PCDH11X: variants seen among roughly 807,000 people sequenced by gnomAD.
PCDH11X encodes the protein protocadherin 11 X-linked, also known as protocadherin-11 X-linked.
PCDH11X carries 18 observed loss-of-function variants against 53.3 expected under a neutral mutation model. The observed-to-expected ratio is 0.34, with a 90% CI of 0.23 to 0.50. The LOEUF is 0.50. Among genes scored for constraint, PCDH11X ranks in the 20% least tolerant of loss-of-function variants. The pLI is 0.98. For synonymous variants in PCDH11X, 279 were observed against 393.3 expected (o/e 0.71, Z 3.44); for missense variants, 570 against 1,032.4 (o/e 0.55, Z 6.14).
chrX:91,809,006 G>A (rs2563640), intron 1 of PCDH11X, among the ~76,000 whole-genome samples: 26,001 of 99,257 alleles, frequency 0.26, 4,182 homozygotes, highest in African/African-American at 0.44. Context: ...TTTATCGCAA[G>A]TAACTTTTAT....
At chrX:92,120,587 TAC>T (rs1371930291) in intron 6 of PCDH11X, among the ~76,000 whole-genome samples, 4 of 112,992 alleles carry the variant, frequency 3.5e-5, no homozygotes, top group Admixed American at 9.4e-5. Context: ...ATTCATATTT[TAC>T]ACTTTTGATC....
intron 10 of PCDH11X, among the ~76,000 whole-genome samples, chrX:92,587,933 T>G (rs774589809): frequency 5.4e-4 from 60 of 111,014 alleles, no homozygotes; most frequent in African/African-American, 1.9e-3. Context: ...ACAATTTTCC[T>G]AGGGAAGAAT....
At chrX:91,845,901 A>G (rs1403784177) in intron 5 of PCDH11X, among the ~76,000 whole-genome samples, 1 of 110,148 alleles carries the variant, frequency 9.1e-6, no homozygotes, top group African/African-American at 3.3e-5. Context: ...TTAATTATTT[A>G]TCTAATAGAC....
At chrX:92,573,982 C>A (rs1304109791) in intron 10 of PCDH11X, among the ~76,000 whole-genome samples, 2 of 110,244 alleles carry the variant, frequency 1.8e-5, no homozygotes, top group Non-Finnish European at 3.8e-5. Flanking sequence ...CTTTTCCCGG[C>A]AGAATTGTAG....
chrX:91,894,433 A>G (rs1940652814), intron 6 of PCDH11X, among the ~76,000 whole-genome samples: 1 of 111,677 alleles, frequency 9.0e-6, no homozygotes, highest in Non-Finnish European at 1.9e-5. Context: ...TTTCTAGTGA[A>G]CAAATGTTGC....
chrX:92,428,606 TTTTC>T (rs201609473), intron 9 of PCDH11X, among the ~76,000 whole-genome samples: 13,754 of 110,363 alleles, frequency 0.12, 819 homozygotes, highest in African/African-American at 0.2. Context: ...TGCAATTTCT[TTTTC>T]TTTCTTTCTT....
intron 7 of PCDH11X, among the ~76,000 whole-genome samples, chrX:92,259,025 C>CCTCAT (rs1219334980): frequency 2.7e-5 from 3 of 110,475 alleles, no homozygotes; most frequent in African/African-American, 9.9e-5. Context: ...TCAATAAGCT[C>CCTCAT]CTCATCTCTG....
In PCDH11X at chrX:92,576,293, G is replaced by C. The variant is rs778985781; in HGVS notation, c.3368-41971G>C. ...CCTGGCTATGTGCCTTCATAGGTGT[G>C]TTTCTTTATAAGTGTGTTTCTTTTA... On this transcript the variant is annotated intron_variant, in intron 10 of 10. Coordinates refer to ENST00000682573, the MANE Select transcript of PCDH11X (RefSeq NM_032968.5). Among the ~76,000 whole-genome samples the C allele has an allele frequency of 9.0e-5, 8 of 88,693 alleles. No homozygotes were observed. The East Asian group carries it at 2.5e-3, about 28-fold the overall frequency. The allele number at this position is 88,693 out of a possible 115,157, so 77.0% of individuals were successfully genotyped here.
chrX:92,599,285 T>C (rs952273317), intron 10 of PCDH11X, among the ~76,000 whole-genome samples: 1 of 112,008 alleles, frequency 8.9e-6, no homozygotes, highest in African/African-American at 3.2e-5. Context: ...CACACCTGTA[T>C]CAAAACATCT....
intron 5 of PCDH11X, among the ~76,000 whole-genome samples, chrX:91,848,113 A>G (rs1937790519): frequency 8.9e-6 from 1 of 111,986 alleles, no homozygotes; most frequent in African/African-American, 3.2e-5. Flanking sequence ...AGGATGAGAT[A>G]CAGAGCCACT....
At chrX:91,852,756 C>G (rs1315813622) in intron 5 of PCDH11X, among the ~76,000 whole-genome samples, 1 of 110,732 alleles carries the variant, frequency 9.0e-6, no homozygotes, top group East Asian at 2.8e-4. Flanking sequence ...TAGTGGCACT[C>G]TCTTGCCCAA....
intron 6 of PCDH11X, among the ~76,000 whole-genome samples, chrX:91,909,067 A>G (rs1428887097): frequency 9.0e-6 from 1 of 111,353 alleles, no homozygotes; most frequent in Non-Finnish European, 1.9e-5. Flanking sequence ...CATGCAAGAT[A>G]AAATAGAAAA....
intron 6 of PCDH11X, among the ~76,000 whole-genome samples, chrX:92,101,522 T>C (rs2064251102): frequency 9.0e-6 from 1 of 111,394 alleles, no homozygotes; most frequent in Non-Finnish European, 1.9e-5. Context: ...TTTCACTGAA[T>C]ACTAACAGCC....
At chrX:92,373,431 C>A (rs1054798798) in intron 8 of PCDH11X, among the ~76,000 whole-genome samples, 2 of 111,379 alleles carry the variant, frequency 1.8e-5, no homozygotes, top group South Asian at 7.5e-4. Context: ...GGATATCTTT[C>A]GCATGGGAAT....
chrX:92,475,589 CTCTT>C (rs780104518), intron 10 of PCDH11X, among the ~76,000 whole-genome samples: 1 of 111,940 alleles, frequency 8.9e-6, no homozygotes, highest in South Asian at 3.7e-4. Flanking sequence ...TCTCTTGCTG[CTCTT>C]TCTAAAATAA....
chrX:91,957,153 C>T (rs2061720870), intron 6 of PCDH11X, among the ~76,000 whole-genome samples: 1 of 110,958 alleles, frequency 9.0e-6, no homozygotes, highest in African/African-American at 3.3e-5. Flanking sequence ...CTACCAATTC[C>T]TGTGTTGTTT....
At chrX:91,958,472 G>A (rs1424320985) in intron 6 of PCDH11X, among the ~76,000 whole-genome samples, 1 of 111,142 alleles carries the variant, frequency 9.0e-6, no homozygotes, top group Admixed American at 9.6e-5. Context: ...CTGGTGGTGT[G>A]GGCTCATGAG....
At position 92,345,077 on chromosome X, in the gene PCDH11X, T is replaced by C. The variant is rs1375485018; in HGVS notation, c.3145-42658T>C. Among the ~76,000 whole-genome samples the C allele has an allele frequency of 3.6e-5, 4 of 111,179 alleles. No individual in the cohort carries two copies. The Admixed American group carries it at 3.8e-4, about 11-fold the overall frequency. On this transcript the variant is annotated intron_variant, in intron 8 of 10. Coordinates refer to ENST00000682573, the MANE Select transcript of PCDH11X (RefSeq NM_032968.5). ...AATTTTTCAGAGATTTCCAAATGTT[T>C]ACTAGTTCTTTTCTACTTGTCTTGA...
intron 10 of PCDH11X, among the ~76,000 whole-genome samples, chrX:92,604,718 T>C (rs1190915260): frequency 3.6e-5 from 4 of 110,085 alleles, no homozygotes; most frequent in Admixed American, 1.9e-4. Flanking sequence ...CCAGATTCAA[T>C]GCATTGAATG....
Sources: allele counts gnomAD v4.1 joint callset (sites outside exome capture counted in the v4.1 genomes callset), GRCh38; gene constraint gnomAD v4.1.1; transcripts MANE v1.5; gene names NCBI Gene and HGNC (gene_info 2026-07-23, HGNC 2026-07-21).